FBXL20: variants seen among roughly 807,000 people sequenced by gnomAD.
FBXL20 encodes the protein F-box/LRR-repeat protein 20.
A neutral mutation model predicts 64.0 loss-of-function variants in FBXL20; 11 were observed. That is an observed-to-expected ratio of 0.17 (90% CI 0.11 to 0.28). The LOEUF is 0.28. Ranked by LOEUF, FBXL20 falls within the 10% of genes least tolerant of loss-of-function variation. The pLI is 1.00. For missense variants in FBXL20, 303 were observed against 526.2 expected, an observed-to-expected ratio of 0.58 and a Z score of 4.15; for synonymous variants, 184 against 189.0, an observed-to-expected ratio of 0.97 and a Z score of 0.22.
intron 9 of FBXL20, 142 bp downstream of exon 9, chr17:39,281,239 CGTCAAAAG>C: frequency 1.5e-6 from 1 of 671,118 alleles, no homozygotes; most frequent in Non-Finnish European, 2.6e-6. Flanking sequence ...TTGTTAAGCA[CGTCAAAAG>C]TCATCTGTGT....
intron 1 of FBXL20, among the ~76,000 whole-genome samples, chr17:39,364,868 T>C (rs906466291): frequency 6.6e-6 from 1 of 152,206 alleles, no homozygotes; most frequent in African/African-American, 2.4e-5. Context: ...TGCAGTCTTA[T>C]GAGCGACCTA....
At chr17:39,336,008 T>C (rs938842075) in intron 2 of FBXL20, among the ~76,000 whole-genome samples, 1 of 151,882 alleles carries the variant, frequency 6.6e-6, no homozygotes, top group African/African-American at 2.4e-5. Flanking sequence ...TAGTCCCAGC[T>C]ACTCAGGAGC....
chr17:39,401,468 G>A lies in FBXL20; in HGVS notation c.-66C>T. The A allele has an allele frequency of 6.5e-7, 1 of 1,541,490 alleles. No homozygotes were observed. The highest frequency in any genetic ancestry group is 8.7e-7 in the Non-Finnish European group (1 of 1,145,028). On this transcript the variant is annotated 5_prime_UTR_variant, in exon 1 of 15. Transcript: ENST00000264658. ...CGGAGTGCACAGACCGGGGGCCCAG[G>A]ACAGGCCCGGGAGTTCCGGGACGGG...
chr17:39,343,173 G>A lies in FBXL20; in HGVS notation c.104+7C>T. Reference sequence around the variant, plus strand: ...AAAAAACCCATAAAATTAGCATTCAGACTTACCGTAACAGGAGTTCTTTGG... The same window carrying A: ...AAAAAACCCATAAAATTAGCATTCAAACTTACCGTAACAGGAGTTCTTTGG... On this transcript the variant is annotated splice_region_variant and intron_variant, in intron 2 of 14. Coordinates refer to ENST00000264658, the MANE Select transcript of FBXL20 (RefSeq NM_032875.3). The A allele has an allele frequency of 6.3e-7, 1 of 1,593,480 alleles. No homozygotes were observed. Among genetic ancestry groups the A allele is most frequent in the Admixed American group, 1.8e-5 (1 of 55,478 alleles).
chr17:39,374,423 C>A (rs1190754604), intron 1 of FBXL20, among the ~76,000 whole-genome samples: 1 of 151,594 alleles, frequency 6.6e-6, no homozygotes, highest in Non-Finnish European at 1.5e-5. Context: ...GTAATGTAAT[C>A]CCAGCTACCT....
chr17:39,372,108 T>C (rs2047923870), intron 1 of FBXL20, among the ~76,000 whole-genome samples: 1 of 152,194 alleles, frequency 6.6e-6, no homozygotes, highest in East Asian at 1.9e-4. Flanking sequence ...TATTTCTTTC[T>C]CTTTTCCTTT....
At chr17:39,316,695 G>C (rs1378945073) in intron 2 of FBXL20, among the ~76,000 whole-genome samples, 2 of 152,194 alleles carry the variant, frequency 1.3e-5, no homozygotes, top group Non-Finnish European at 2.9e-5. Flanking sequence ...AGTTTAAGAA[G>C]AATGGGACGG....
At chr17:39,369,727 C>G (rs2047896924) in intron 1 of FBXL20, among the ~76,000 whole-genome samples, 1 of 152,070 alleles carries the variant, frequency 6.6e-6, no homozygotes, top group South Asian at 2.1e-4. Flanking sequence ...TCACTGCAGG[C>G]TGGGCTCAAG....
chr17:39,352,202 G>A (rs2047693944), intron 1 of FBXL20, among the ~76,000 whole-genome samples: 1 of 152,088 alleles, frequency 6.6e-6, no homozygotes. Flanking sequence ...AAAACCAGAG[G>A]TTGGGTGGAA....
intron 6 of FBXL20, among the ~76,000 whole-genome samples, chr17:39,291,278 G>A (rs1203389112): frequency 6.6e-6 from 1 of 151,324 alleles, no homozygotes; most frequent in African/African-American, 2.4e-5. Flanking sequence ...TTTATTTCAT[G>A]GATTTCCAGT....
At position 39,256,386 on chromosome 17, in the gene FBXL20, C is replaced by T. The variant is rs1236956190; in HGVS notation, c.*5074G>A. 2 of 151,208 alleles carry T rather than the reference C, an allele frequency of 1.3e-5. No individual in the cohort carries two copies. Among genetic ancestry groups the T allele is most frequent in the Non-Finnish European group, 2.9e-5 (2 of 67,930 alleles). The allele number at this position is 151,208 out of a possible 1,614,324, so 9.4% of individuals were successfully genotyped here. A position where few individuals can be genotyped will look rare whatever the true frequency, so the allele number is the denominator to read the frequency against. On this transcript the variant is annotated 3_prime_UTR_variant, in exon 15 of 15. Coordinates refer to ENST00000264658, the MANE Select transcript of FBXL20 (RefSeq NM_032875.3). Reference sequence around the variant, plus strand: ...CTGTGACTCCATTTTTCCCCATTATCCTTTTACTGCTTTAGAATTCTTTGG... The same window carrying T: ...CTGTGACTCCATTTTTCCCCATTATTCTTTTACTGCTTTAGAATTCTTTGG...
At chr17:39,339,978 G>A (rs777599806) in intron 2 of FBXL20, among the ~76,000 whole-genome samples, 19 of 151,038 alleles carry the variant, frequency 1.3e-4, no homozygotes, top group African/African-American at 2.2e-4. Flanking sequence ...TCGCTTTGTC[G>A]CCCAGGCTGA....
At chr17:39,284,099 C>T (rs1170042754) in intron 7 of FBXL20, among the ~76,000 whole-genome samples, 1 of 152,168 alleles carries the variant, frequency 6.6e-6, no homozygotes, top group Non-Finnish European at 1.5e-5. Context: ...AACTTAAGGG[C>T]AGCAATATCT....
chr17:39,320,507 T>C (rs2047344851), intron 2 of FBXL20, among the ~76,000 whole-genome samples: 1 of 152,150 alleles, frequency 6.6e-6, no homozygotes, highest in Non-Finnish European at 1.5e-5. Context: ...TAAGAGGCTT[T>C]TGAATATAAC....
At chr17:39,274,840 A>G (rs2046875750) in intron 10 of FBXL20, 130 bp downstream of exon 10, 1 of 1,191,522 alleles carries the variant, frequency 8.4e-7, no homozygotes, top group Non-Finnish European at 1.2e-6. Flanking sequence ...GTGGGCATCT[A>G]AAAGGGACTA....
intron 9 of FBXL20, 123 bp downstream of exon 9, chr17:39,281,246 AGTCATCTGTGTGTTTACTTT>A: frequency 1.4e-6 from 1 of 698,890 alleles, no homozygotes; most frequent in Non-Finnish European, 2.4e-6. Flanking sequence ...GCACGTCAAA[AGTCATCTGTGTGTTTACTTT>A]GTCACTAGGG....
chr17:39,302,716 C>G (rs2047148853), intron 3 of FBXL20, among the ~76,000 whole-genome samples: 1 of 151,962 alleles, frequency 6.6e-6, no homozygotes, highest in African/African-American at 2.4e-5. Context: ...CCCTATGTTG[C>G]CCAGGTTAGT....
rs995305673 is a variant in FBXL20, at chr17:39,299,160, G to A, written c.235-76C>T. On this transcript the variant is annotated intron_variant, in intron 4 of 14. Coordinates refer to ENST00000264658, the MANE Select transcript of FBXL20 (RefSeq NM_032875.3). ...AAAAGAACACATACTCATTTTTAAC[G>A]ATTTATAAACAAAGAGAAAATGCTT... 16 of 1,029,556 alleles carry A rather than the reference G, an allele frequency of 1.6e-5. No individual in the cohort carries two copies. The African/African-American group carries it at 1.8e-4, about 12-fold the overall frequency. 63.8% of individuals were successfully genotyped at this position (1,029,556 alleles called of 1,614,324 possible).
Position 39,374,794 on chromosome 17 carries a change from C to CT in FBXL20, c.42+26566dup, listed in dbSNP as rs1236731987. The stretch of plus-strand genomic sequence containing the variant: ...GCTCAAGCTACTTTTCTTTTCTTTT[C>CT]TTTTTTTTCCCTGAGATGGAGTCTC... On this transcript the variant is annotated intron_variant, in intron 1 of 14. Coordinates refer to ENST00000264658, the MANE Select transcript of FBXL20 (RefSeq NM_032875.3). Among the ~76,000 whole-genome samples the CT allele has an allele frequency of 4.0e-5, 6 of 151,788 alleles. No individual in the cohort carries two copies. The South Asian group carries it at 8.3e-4, about 21-fold the overall frequency.
Sources: allele counts gnomAD v4.1 joint callset (sites outside exome capture counted in the v4.1 genomes callset), GRCh38; gene constraint gnomAD v4.1.1; transcripts MANE v1.5; gene names NCBI Gene and HGNC (gene_info 2026-07-23, HGNC 2026-07-21).